Variants in ABCB7 observed in about 807,000 individuals in gnomAD.
The protein encoded by ABCB7 is ATP binding cassette subfamily B member 7.
ABCB7 carries 7 observed loss-of-function variants against 54.4 expected under a neutral mutation model. That is an observed-to-expected ratio of 0.13 (90% CI 0.07 to 0.24). ABCB7 has a LOEUF of 0.24. ABCB7 is among the 10% of genes least tolerant of loss of function. The pLI, the probability that ABCB7 is intolerant of heterozygous loss-of-function variation, is 1.00. For synonymous variants in ABCB7, 218 were observed against 207.1 expected (o/e 1.05, Z -0.45); for missense variants, 356 against 570.4 (o/e 0.62, Z 3.83).
In ABCB7 at chrX:75,052,223, T is replaced by A. The variant is rs368207105; in HGVS notation, c.*1147A>T. The A allele has an allele frequency of 9.0e-6, 1 of 110,813 alleles. No homozygotes were observed. Among genetic ancestry groups the A allele is most frequent in the Admixed American group, 9.6e-5 (1 of 10,426 alleles). The allele number at this position is 110,813 out of a possible 1,213,427, so 9.1% of individuals were successfully genotyped here. On this transcript the variant is annotated 3_prime_UTR_variant, in exon 16 of 16. Transcript: ENST00000373394. ...GGCTCAAGCCTGTAATCCCAGCACT[T>A]TGGGAGGCCGAGGCGGGCAGATCAC...
In ABCB7 at chrX:75,075,436, T is replaced by C. The variant is rs1306959831; in HGVS notation, c.781A>G (p.Ser261Gly). 6 of 1,208,997 alleles carry C rather than the reference T, an allele frequency of 5.0e-6. No homozygotes were observed. Among genetic ancestry groups the C allele is most frequent in the East Asian group, 5.9e-5 (2 of 33,753 alleles). ...AATACCAAAGCACTCAGGACAAAACTGATACCCCTTGTTCCTCTGTCAATA... is the reference window on the plus strand; with the variant it reads ...AATACCAAAGCACTCAGGACAAAACCGATACCCCTTGTTCCTCTGTCAATA... ...KAIDRGTRGI[S>G]FVLSALVFNL... The change falls in exon 6 of 16, where the codon AGT becomes GGT. Residue 261 changes from serine (S) to glycine (G), a missense_variant. Around this residue, in one of 2 missense-constraint regions of ABCB7, gnomAD observed 241 missense variants for 470.9 expected, o/e 0.51. Transcript: ENST00000373394.
intron 3 of ABCB7, among the ~76,000 whole-genome samples, chrX:75,103,695 G>A (rs1168380825): frequency 9.1e-6 from 1 of 109,489 alleles, no homozygotes; most frequent in Non-Finnish European, 1.9e-5. Flanking sequence ...CACCTCCTTG[G>A]TTAGATTTAA....
At chrX:75,075,337 T>C (rs1265546107) in intron 6 of ABCB7, 25 bp downstream of exon 6, 1 of 1,200,402 alleles carries the variant, frequency 8.3e-7, no homozygotes, top group East Asian at 3.0e-5. Context: ...AGATAAAAGC[T>C]TGTTATGAAA....
At chrX:75,065,684 A>C (rs945744097) in intron 12 of ABCB7, among the ~76,000 whole-genome samples, 5 of 112,097 alleles carry the variant, frequency 4.5e-5, no homozygotes, top group Non-Finnish European at 1.9e-5. Flanking sequence ...TTCCAAGTTT[A>C]TGCTACTACA....
At chrX:75,061,073 G>A (rs945777076) in intron 14 of ABCB7, among the ~76,000 whole-genome samples, 7 of 111,603 alleles carry the variant, frequency 6.3e-5, no homozygotes, top group Non-Finnish European at 9.4e-5. Flanking sequence ...AAATTATCAA[G>A]AGCAGATGGT....
intron 4 of ABCB7, among the ~76,000 whole-genome samples, chrX:75,083,096 TG>T (rs781054511): frequency 8.9e-6 from 1 of 111,793 alleles, no homozygotes; most frequent in African/African-American, 3.2e-5. Flanking sequence ...TTATTGACAT[TG>T]CCCTCATCAA....
chrX:75,120,720 T>C (rs777761770), intron 1 of ABCB7, among the ~76,000 whole-genome samples: 1 of 111,713 alleles, frequency 9.0e-6, no homozygotes, highest in African/African-American at 3.3e-5. Context: ...CTTTAAGGAA[T>C]GTAACTTGAC....
At chrX:75,148,472 C>T (rs972083452) in intron 1 of ABCB7, among the ~76,000 whole-genome samples, 4 of 108,453 alleles carry the variant, frequency 3.7e-5, no homozygotes, top group Non-Finnish European at 7.6e-5. Context: ...CACATACAAA[C>T]ACATACACAC....
chrX:75,115,502 C>G (rs370998781), intron 1 of ABCB7, among the ~76,000 whole-genome samples: 2 of 89,308 alleles, frequency 2.2e-5, no homozygotes, highest in East Asian at 7.6e-4. Flanking sequence ...GGCTTTTATG[C>G]TCTTTTCAAA....
chrX:75,113,007 A>G, intron 2 of ABCB7, 35 bp from the exon 3 acceptor site: 7 of 1,117,452 alleles, frequency 6.3e-6, no homozygotes, highest in Non-Finnish European at 8.6e-6. Flanking sequence ...TCCGTTAGCT[A>G]TTACAGAATT....
intron 1 of ABCB7, among the ~76,000 whole-genome samples, chrX:75,140,551 C>A (rs1429133422): frequency 1.9e-5 from 2 of 106,497 alleles, no homozygotes; most frequent in Non-Finnish European, 3.8e-5. Context: ...TACTTAATAC[C>A]ATACACTAAA....
chrX:75,117,191 GA>G (rs1321623428), intron 1 of ABCB7, among the ~76,000 whole-genome samples: 1 of 110,791 alleles, frequency 9.0e-6, no homozygotes, highest in Non-Finnish European at 1.9e-5. Context: ...TCTGGATCAG[GA>G]CCCCTTTCCA....
At chrX:75,126,012 CAATAG>C (rs1309593860) in intron 1 of ABCB7, among the ~76,000 whole-genome samples, 1 of 111,289 alleles carries the variant, frequency 9.0e-6, no homozygotes, top group African/African-American at 3.3e-5. Flanking sequence ...AAAATTCATA[CAATAG>C]CTAGAATACT....
chrX:75,082,799 G>A (rs981444867), intron 4 of ABCB7, among the ~76,000 whole-genome samples: 6 of 111,055 alleles, frequency 5.4e-5, no homozygotes, highest in Admixed American at 3.8e-4. Context: ...AATTTCCAGA[G>A]TAACCACTAC....
intron 1 of ABCB7, among the ~76,000 whole-genome samples, chrX:75,132,614 A>G (rs2081983360): frequency 8.9e-6 from 1 of 112,580 alleles, no homozygotes; most frequent in Non-Finnish European, 1.9e-5. Context: ...AAGCACTGAG[A>G]GGGAGCATGG....
chrX:75,068,860 C>T, intron 12 of ABCB7, 147 bp downstream of exon 12: 1 of 697,034 alleles, frequency 1.4e-6, no homozygotes, highest in Non-Finnish European at 2.1e-6. Flanking sequence ...TTTAAAAAAT[C>T]CCTTTTGATA....
At chrX:75,081,462 C>A (rs752112097) in intron 4 of ABCB7, among the ~76,000 whole-genome samples, 50 of 111,704 alleles carry the variant, frequency 4.5e-4, no homozygotes, top group Non-Finnish European at 7.7e-4. Flanking sequence ...AAGACAGAGG[C>A]AAGTATTATT....
chrX:75,072,314 C>A (rs2081369349), intron 8 of ABCB7, among the ~76,000 whole-genome samples: 1 of 111,297 alleles, frequency 9.0e-6, no homozygotes, highest in Non-Finnish European at 1.9e-5. Flanking sequence ...CACAGTCATG[C>A]ATCACTTAAC....
At position 75,112,971 on chromosome X, in the gene ABCB7, G is replaced by A; in HGVS notation, c.248C>T (p.Ala83Val). Residue 83 changes from alanine (A) to valine (V), a missense_variant and splice_region_variant, in exon 3 of 16, where the codon GCT becomes GTT. Around this residue, in one of 2 missense-constraint regions of ABCB7, gnomAD observed 115 missense variants for 99.5 expected, o/e 1.16. Coordinates refer to ENST00000373394, the MANE Select transcript of ABCB7 (RefSeq NM_001271696.3). ...TTCTATCAGTGGCCATACCTGGAGA[G>A]CCTAATTGAAGATGATACCAAGCAG... Reference protein sequence around the residue: ...NSGQFLDAAKALQVWPLIEKR... With the variant: ...NSGQFLDAAKVLQVWPLIEKR... 5.8e-6 allele frequency: 7 copies of A among 1,202,978 alleles called. No homozygotes were observed. Among genetic ancestry groups the A allele is most frequent in the Middle Eastern group, 2.3e-4 (1 of 4,333 alleles).
Sources: allele counts gnomAD v4.1 joint callset (sites outside exome capture counted in the v4.1 genomes callset), GRCh38; gene constraint gnomAD v4.1.1; regional missense constraint gnomAD v4.1.1; transcripts MANE v1.5; gene names NCBI Gene and HGNC (gene_info 2026-07-23, HGNC 2026-07-21).